The following SLC12A6 variants were observed in gnomAD, a reference collection of about 807,000 sequenced individuals.
SLC12A6 encodes K-Cl cotransporter 3.
SLC12A6 carries 66 observed loss-of-function variants against 135.3 expected under a neutral mutation model. The observed-to-expected ratio is 0.49, with a 90% CI of 0.40 to 0.60. The LOEUF is 0.60. SLC12A6 is among the 20% of genes least tolerant of loss of function. The probability of loss-of-function intolerance (pLI) is 0.00; values close to 1 mark genes in which losing one functional copy is unlikely to be tolerated. For missense variants in SLC12A6, 1,058 were observed against 1,452.3 expected (o/e 0.73, Z 4.41); for synonymous variants, 513 against 508.8 (o/e 1.01, Z -0.11).
At chr15:34,310,738 T>A (rs1190983958) in intron 2 of SLC12A6, among the ~76,000 whole-genome samples, 3 of 119,968 alleles carry the variant, frequency 2.5e-5, no homozygotes, top group East Asian at 2.5e-4. Flanking sequence ...TGTGTCCCCG[T>A]GTCCAGGCTG....
chr15:34,334,005 G>A (rs1338859649), intron 2 of SLC12A6, among the ~76,000 whole-genome samples: 1 of 151,408 alleles, frequency 6.6e-6, no homozygotes, highest in Non-Finnish European at 1.5e-5. Context: ...GGGAGACAGA[G>A]ATTGCAGTGA....
chr15:34,263,518 G>C (rs1893298011), intron 3 of SLC12A6, among the ~76,000 whole-genome samples: 1 of 151,958 alleles, frequency 6.6e-6, no homozygotes, highest in Non-Finnish European at 1.5e-5. Flanking sequence ...AGAGGCATCT[G>C]ACAAAAATTC....
chr15:34,276,138 A>G (rs1371719500), intron 2 of SLC12A6, among the ~76,000 whole-genome samples: 1 of 152,162 alleles, frequency 6.6e-6, no homozygotes, highest in African/African-American at 2.4e-5. Flanking sequence ...TGCCACAATA[A>G]AAAGTAAATT....
At chr15:34,302,396 T>A (rs1306374690) in intron 2 of SLC12A6, among the ~76,000 whole-genome samples, 1 of 152,036 alleles carries the variant, frequency 6.6e-6, no homozygotes, top group African/African-American at 2.4e-5. Context: ...AAATTATGTA[T>A]AAAGAAGATT....
chr15:34,271,065 C>T (rs1481684214), intron 3 of SLC12A6, among the ~76,000 whole-genome samples: 3 of 152,086 alleles, frequency 2.0e-5, no homozygotes, highest in African/African-American at 7.2e-5. Flanking sequence ...ATTGTTACCT[C>T]CCACAAAACG....
chr15:34,248,859 G>C (rs1297663594), intron 13 of SLC12A6, among the ~76,000 whole-genome samples: 1 of 152,172 alleles, frequency 6.6e-6, no homozygotes, highest in Non-Finnish European at 1.5e-5. Flanking sequence ...GTCTCTAAGA[G>C]GATGAATATG....
At chr15:34,238,500 A>G (rs1347788780) in intron 20 of SLC12A6, 99 bp from the exon 21 acceptor site, 1 of 887,156 alleles carries the variant, frequency 1.1e-6, no homozygotes, top group African/African-American at 1.6e-5. Flanking sequence ...CACTTCTTTG[A>G]GCAAGGGGTC....
intron 2 of SLC12A6, among the ~76,000 whole-genome samples, chr15:34,320,742 C>T (rs930990610): frequency 4.6e-5 from 7 of 151,796 alleles, no homozygotes; most frequent in Admixed American, 2.6e-4. Flanking sequence ...CAGTGAAACC[C>T]TGTCTCTACT....
At chr15:34,299,957 G>T (rs1014030612) in intron 2 of SLC12A6, among the ~76,000 whole-genome samples, 1 of 152,076 alleles carries the variant, frequency 6.6e-6, no homozygotes, top group African/African-American at 2.4e-5. Context: ...AAATAACAAT[G>T]GACTAGGATA....
At chr15:34,257,550 ATTC>A (rs2140744983) in intron 6 of SLC12A6, 89 bp downstream of exon 6, 1 of 934,802 alleles carries the variant, frequency 1.1e-6, no homozygotes, top group Non-Finnish European at 1.8e-6. Flanking sequence ...TTCCCTAAGT[ATTC>A]TTTGTTTTAT....
chr15:34,236,129 G>A lies in SLC12A6; in HGVS notation c.3113C>T (p.Thr1038Ile), dbSNP rs1304992590. Reference sequence around the variant, plus strand: ...GTGCACCTTCTCCTGATAGGTTTCTGTCTCTTCGTCCTCATCAGAGCCAAT... The same window carrying A: ...GTGCACCTTCTCCTGATAGGTTTCTATCTCTTCGTCCTCATCAGAGCCAAT... ...TSIGSDEDEE[T>I]ETYQEKVHMT... is the part of the protein sequence containing the mutation. The change falls in exon 24 of 26, where the codon ACA (threonine) becomes ATA (isoleucine). Residue 1038 changes from threonine (T) to isoleucine (I), a missense_variant. Coordinates refer to ENST00000354181, the MANE Select transcript of SLC12A6 (RefSeq NM_001365088.1). 1 of 1,613,392 alleles carries A rather than the reference G, an allele frequency of 6.2e-7. No individual in the cohort carries two copies. The highest frequency in any genetic ancestry group is 8.5e-7 in the Non-Finnish European group (1 of 1,179,446).
chr15:34,310,492 G>GTGTA (rs1320645371), intron 2 of SLC12A6, among the ~76,000 whole-genome samples: 1 of 114,526 alleles, frequency 8.7e-6, no homozygotes, highest in African/African-American at 3.4e-5. Flanking sequence ...GTGTGTGTGT[G>GTGTA]TGTATGTATG....
At chr15:34,331,086 T>C (rs749312166) in intron 2 of SLC12A6, among the ~76,000 whole-genome samples, 32 of 152,140 alleles carry the variant, frequency 2.1e-4, no homozygotes, top group Non-Finnish European at 4.1e-4. Flanking sequence ...TAGTCACCTA[T>C]GATTAGCAAA....
intron 2 of SLC12A6, among the ~76,000 whole-genome samples, chr15:34,278,057 A>G (rs1894415322): frequency 1.3e-5 from 2 of 152,254 alleles, no homozygotes; most frequent in African/African-American, 2.4e-5. Flanking sequence ...GAAGAGAAAT[A>G]GGAAAACATC....
intron 2 of SLC12A6, among the ~76,000 whole-genome samples, chr15:34,282,048 G>T (rs1894721105): frequency 2.0e-5 from 3 of 152,116 alleles, no homozygotes; most frequent in Admixed American, 2.0e-4. Context: ...CACACCATCT[G>T]CTACATAGTG....
intron 2 of SLC12A6, among the ~76,000 whole-genome samples, chr15:34,312,542 C>T (rs8042605): frequency 1.3e-5 from 2 of 152,098 alleles, no homozygotes; most frequent in Admixed American, 6.5e-5. Flanking sequence ...TCTGAGCACA[C>T]GCTGCTGAGA....
rs551638210 is a variant in SLC12A6, at chr15:34,323,465, G to A, written c.271+12945C>T. On this transcript the variant is annotated intron_variant, in intron 2 of 25. Coordinates refer to ENST00000354181, the MANE Select transcript of SLC12A6 (RefSeq NM_001365088.1). ...GGCAGCATTAGATTCTCATAGGAGCGCCAACCCTATTGTGAACAGCAATTC... is the reference window on the plus strand; with the variant it reads ...GGCAGCATTAGATTCTCATAGGAGCACCAACCCTATTGTGAACAGCAATTC... 1.2e-4 allele frequency among the ~76,000 whole-genome samples: 19 copies of A among 152,210 alleles called. No individual in the cohort carries two copies. The Middle Eastern group carries it at 0.01, about 82-fold the overall frequency.
At chr15:34,246,274 A>G (rs1220216526) in intron 13 of SLC12A6, among the ~76,000 whole-genome samples, 3 of 152,084 alleles carry the variant, frequency 2.0e-5, no homozygotes, top group Non-Finnish European at 4.4e-5. Context: ...ATCAAAAGTG[A>G]GACAAATAAT....
At chr15:34,283,861 G>A (rs991472865) in intron 2 of SLC12A6, among the ~76,000 whole-genome samples, 2 of 151,852 alleles carry the variant, frequency 1.3e-5, no homozygotes, top group East Asian at 1.9e-4. Context: ...TGATCTTCCC[G>A]CCTCAGCCTC....
Sources: allele counts gnomAD v4.1 joint callset (sites outside exome capture counted in the v4.1 genomes callset), GRCh38; gene constraint gnomAD v4.1.1; transcripts MANE v1.5; gene names NCBI Gene and HGNC (gene_info 2026-07-23, HGNC 2026-07-21).